The following GCNT2 variants were observed in gnomAD, a reference collection of about 807,000 sequenced individuals.
GCNT2 encodes glucosaminyl (N-acetyl) transferase 2 (I blood group), also known as N-acetyllactosaminide beta-1,6-N-acetylglucosaminyl-transferase.
GCNT2 carries 34 observed loss-of-function variants against 34.2 expected under a neutral mutation model. That is an observed-to-expected ratio of 1.00 (90% CI 0.76 to 1.32). The LOEUF is 1.32. Among genes scored for constraint, GCNT2 ranks in the 40% most tolerant of loss-of-function variants. The pLI is 0.00. For missense variants in GCNT2, 584 were observed against 489.4 expected, an observed-to-expected ratio of 1.19 and a Z score of -1.82; for synonymous variants, 212 against 188.0, an observed-to-expected ratio of 1.13 and a Z score of -1.04.
rs114368000 is a variant in GCNT2, at chr6:10,580,956, G to A, written c.926-40395G>A. 7.7e-3 allele frequency among the ~76,000 whole-genome samples: 1,168 copies of A among 152,272 alleles called. 16 individuals carry two copies. Among genetic ancestry groups the A allele is most frequent in the African/African-American group, 0.025 (1,035 of 41,552 alleles). ...AAAAGTTATCCTGGGGCAGAGAGAGGTGGGACTGATACAGAATGACCACTT... is the reference window on the plus strand; with the variant it reads ...AAAAGTTATCCTGGGGCAGAGAGAGATGGGACTGATACAGAATGACCACTT... On this transcript the variant is annotated intron_variant, in intron 3 of 4. Transcript: ENST00000495262.
chr6:10,544,262 C>T (rs962352895), intron 3 of GCNT2, among the ~76,000 whole-genome samples: 4 of 150,932 alleles, frequency 2.7e-5, no homozygotes, highest in South Asian at 2.1e-4. Flanking sequence ...TGCAGTGAGC[C>T]GAGATCACAT....
At chr6:10,563,779 T>A (rs987607525) in intron 3 of GCNT2, among the ~76,000 whole-genome samples, 95 of 45,118 alleles carry the variant, frequency 2.1e-3, no homozygotes, top group African/African-American at 7.8e-3. Flanking sequence ...AAAAAAAAAA[T>A]ATATATATAT....
intron 3 of GCNT2, among the ~76,000 whole-genome samples, chr6:10,604,140 G>A (rs751733148): frequency 4.0e-5 from 6 of 150,910 alleles, no homozygotes; most frequent in Non-Finnish European, 5.9e-5. Flanking sequence ...CATGTGATCC[G>A]CCCGCTTCGG....
At chr6:10,584,993 C>T (rs1764277696) in intron 3 of GCNT2, among the ~76,000 whole-genome samples, 1 of 151,208 alleles carries the variant, frequency 6.6e-6, no homozygotes, top group African/African-American at 2.4e-5. Flanking sequence ...CTGCCTGTGC[C>T]CCCAAGGGTG....
chr6:10,521,923 A>G (rs552505438), intron 1 of GCNT2, among the ~76,000 whole-genome samples: 10 of 150,584 alleles, frequency 6.6e-5, no homozygotes, highest in Non-Finnish European at 1.0e-4. Flanking sequence ...TTTTCCAGAC[A>G]TAGTCTCACT....
At chr6:10,577,269 G>A (rs1360829362) in intron 3 of GCNT2, among the ~76,000 whole-genome samples, 4 of 152,236 alleles carry the variant, frequency 2.6e-5, no homozygotes, top group Non-Finnish European at 4.4e-5. Context: ...ATGTAGGGCA[G>A]GGGGTGGGCT....
At chr6:10,546,303 G>A (rs1030705685) in intron 3 of GCNT2, among the ~76,000 whole-genome samples, 1 of 152,092 alleles carries the variant, frequency 6.6e-6, no homozygotes. Context: ...TAGGCCCACT[G>A]AACCCCTGTG....
At chr6:10,586,143 G>A (rs1764332780) in intron 3 of GCNT2, 2 of 1,614,154 alleles carry the variant, frequency 1.2e-6, no homozygotes, top group East Asian at 2.2e-5. Context: ...CTGTAATCAC[G>A]CCTTAGAGAA....
chr6:10,585,274 G>A (rs1764296780), intron 3 of GCNT2, among the ~76,000 whole-genome samples: 1 of 151,962 alleles, frequency 6.6e-6, no homozygotes, highest in Non-Finnish European at 1.5e-5. Flanking sequence ...TGATCTCCTT[G>A]GCTCAAGCAA....
intron 3 of GCNT2, among the ~76,000 whole-genome samples, chr6:10,569,359 A>G (rs1304947484): frequency 1.3e-5 from 2 of 151,470 alleles, no homozygotes; most frequent in East Asian, 1.9e-4. Flanking sequence ...GTCTCACTCC[A>G]TCTACCAGGC....
At chr6:10,548,562 C>T (rs1232183304) in intron 3 of GCNT2, among the ~76,000 whole-genome samples, 1 of 152,226 alleles carries the variant, frequency 6.6e-6, no homozygotes, top group Non-Finnish European at 1.5e-5. Context: ...CAGGGCAGCC[C>T]CCTCCCACTC....
At chr6:10,579,752 G>A (rs1362700811) in intron 3 of GCNT2, among the ~76,000 whole-genome samples, 1 of 144,926 alleles carries the variant, frequency 6.9e-6, no homozygotes, top group Non-Finnish European at 1.5e-5. Context: ...GAAGGCGGAG[G>A]TTGCAGTGAG....
At chr6:10,553,116 C>T (rs1176670443) in intron 3 of GCNT2, among the ~76,000 whole-genome samples, 2 of 152,132 alleles carry the variant, frequency 1.3e-5, no homozygotes, top group Non-Finnish European at 2.9e-5. Context: ...GGTTAATTGA[C>T]AATAGACAAA....
intron 3 of GCNT2, among the ~76,000 whole-genome samples, chr6:10,592,892 C>T (rs1764712155): frequency 6.6e-6 from 1 of 151,974 alleles, no homozygotes; most frequent in African/African-American, 2.4e-5. Context: ...AGGTGTGTGC[C>T]ACCATGCCCA....
Position 10,621,403 on chromosome 6 carries a change from A to C in GCNT2, c.978A>C (p.Ile326=). The stretch of plus-strand genomic sequence containing the variant: ...CCTGGACTGGAAACCTCAGAGCTAT[A>C]AAGTGGAGTGACATGGAAGACAGAC... ...NASWTGNLRA[I]KWSDMEDRHG... The change falls in exon 4 of 5, where the codon ATA becomes ATC. Residue 326 remains isoleucine (I), a synonymous_variant. Transcript: ENST00000495262. The C allele has an allele frequency of 4.3e-6, 7 of 1,613,696 alleles. No individual in the cohort carries two copies. Among genetic ancestry groups the C allele is most frequent in the Non-Finnish European group, 5.9e-6 (7 of 1,179,652 alleles).
At chr6:10,556,776 C>T (rs1690672899) in intron 3 of GCNT2, 1 of 1,614,042 alleles carries the variant, frequency 6.2e-7, no homozygotes, top group African/African-American at 1.3e-5. Flanking sequence ...ATTTACATGC[C>T]CCAAAATATC....
intron 3 of GCNT2, among the ~76,000 whole-genome samples, chr6:10,549,766 C>T (rs552285957): frequency 6.6e-6 from 1 of 152,144 alleles, no homozygotes; most frequent in Admixed American, 6.5e-5. Flanking sequence ...GACCACTACT[C>T]AATGCAGCAG....
chr6:10,626,561 C>T lies in GCNT2; in HGVS notation c.1163C>T (p.Thr388Ile), dbSNP rs147413525. The T allele has an allele frequency of 1.4e-5, 23 of 1,613,942 alleles. No homozygotes were observed. The Admixed American group carries it at 1.5e-4, about 11-fold the overall frequency. ...ECLELRHRER[T>I]LNQSETAIQP... is the part of the protein sequence containing the mutation. Reference sequence around the variant, plus strand: ...CTAGAACTGAGGCATCGCGAAAGAACCCTCAATCAGAGTGAAACTGCGATA... The same window carrying T: ...CTAGAACTGAGGCATCGCGAAAGAATCCTCAATCAGAGTGAAACTGCGATA... Residue 388 changes from threonine to isoleucine, a missense_variant, in exon 5 of 5, where the codon ACC becomes ATC. Thr to Ile is a moderately conservative substitution (Grantham distance 89, BLOSUM62 -1). Transcript: ENST00000495262.
rs1761360678 is a variant in GCNT2, at chr6:10,529,343, C to T, written c.432C>T (p.Leu144=). The T allele has an allele frequency of 6.2e-7, 1 of 1,613,934 alleles. No homozygotes were observed. The highest frequency in any genetic ancestry group is 1.7e-5 in the Admixed American group (1 of 59,990). ...TTAAAGGTGCAGTGAAACAGTTACT[C>T]AGCTGCTTCCCAAATGCTTTTCTGG... ...DAFKGAVKQL[L]SCFPNAFLAS... Residue 144 remains leucine, a synonymous_variant, in exon 3 of 5, where the codon CTC becomes CTT. Coordinates refer to ENST00000495262, the MANE Select transcript of GCNT2 (RefSeq NM_145649.5).
Sources: gnomAD v4.1 joint callset for allele counts (sites outside exome capture counted in the v4.1 genomes callset) on GRCh38, gnomAD v4.1.1 for gene constraint, MANE v1.5 for transcripts, NCBI Gene and HGNC (gene_info 2026-07-23, HGNC 2026-07-21) for gene names.